ELK4: variants seen among roughly 807,000 people sequenced by gnomAD.
ELK4 encodes the protein ETS domain-containing protein Elk-4.
A neutral mutation model predicts 29.6 loss-of-function variants in ELK4; 16 were observed. The ratio of observed to expected loss-of-function variants is 0.54; its 90% CI spans 0.37 to 0.82. The LOEUF (loss-of-function observed/expected upper bound fraction) is 0.82, where lower values mean the gene tolerates loss of function less well. ELK4 is among the 40% of genes least tolerant of loss of function. The pLI is 0.00. For missense variants in ELK4, 465 were observed against 507.1 expected, an observed-to-expected ratio of 0.92 and a Z score of 0.80; for synonymous variants, 213 against 191.1, an observed-to-expected ratio of 1.11 and a Z score of -0.95.
At chr1:205,619,633 T>A (rs1418366216) in intron 3 of ELK4, 5 of 1,331,820 alleles carry the variant, frequency 3.8e-6, no homozygotes, top group Non-Finnish European at 4.8e-6. Context: ...TAACTTGAGA[T>A]TATCACTGTT....
At position 205,620,618 on chromosome 1, in the gene ELK4, T is replaced by G; in HGVS notation, c.428A>C (p.His143Pro). ...AKTSSRNDYIHSGLYSSFTLN... is the reference protein window; with the variant it reads ...AKTSSRNDYIPSGLYSSFTLN... ...AGTAAATGAAGAATATAAGCCAGAG[T>G]GTATGTAGTCATTGCGGCTAGAGGT... The change falls in exon 3 of 5, where the codon CAC (histidine) becomes CCC (proline). Residue 143 changes from histidine (H) to proline (P), a missense_variant. By Grantham distance (77) the His-to-Pro change is moderately conservative. This residue lies in a region of ELK4 where 385 missense variants were observed against 387.5 expected (regional missense o/e 0.99). Coordinates refer to ENST00000357992, the MANE Select transcript of ELK4 (RefSeq NM_001973.4). 1 of 1,613,772 alleles carries G rather than the reference T, an allele frequency of 6.2e-7. No individual in the cohort carries two copies.
rs1264233932 is a variant in ELK4, at chr1:205,610,825, C to T, written c.*5721G>A. ...GTCAATACATCAGTATATATGCATA[C>T]ACATACATTTACTAGGACAATAAAT... On this transcript the variant is annotated 3_prime_UTR_variant, in exon 5 of 5. Transcript: ENST00000357992. The T allele has an allele frequency of 8.6e-6, 2 of 231,290 alleles. No homozygotes were observed. Among genetic ancestry groups the T allele is most frequent in the Non-Finnish European group, 1.7e-5 (2 of 116,978 alleles). The allele number at this position is 231,290 out of a possible 1,614,324, so 14.3% of individuals were successfully genotyped here.
chr1:205,619,785 T>C (rs762192201), intron 3 of ELK4, 181 bp downstream of exon 3: 2 of 1,518,978 alleles, frequency 1.3e-6, no homozygotes, highest in Admixed American at 2.3e-5. Context: ...CTCCAAACTT[T>C]CTATTTTAGC....
chr1:205,619,736 T>C (rs1030700526), intron 3 of ELK4: 153 of 1,462,250 alleles, frequency 1.0e-4, no homozygotes, highest in Middle Eastern at 4.3e-4. Context: ...AATCAAAATA[T>C]TTATTTACTT....
At chr1:205,631,492 A>C (rs1670586527) in intron 1 of ELK4, 140 bp downstream of exon 1, 1 of 148,024 alleles carries the variant, frequency 6.8e-6, no homozygotes, top group Non-Finnish European at 1.5e-5. Context: ...GGGCGGACCC[A>C]AGGGGAGCGC....
intron 1 of ELK4, among the ~76,000 whole-genome samples, chr1:205,627,277 A>C (rs1467565851): frequency 6.6e-6 from 1 of 152,282 alleles, no homozygotes; most frequent in East Asian, 1.9e-4. Flanking sequence ...TGGGAGGCCG[A>C]GGTGGGCTGA....
rs574403609 is a variant in ELK4, at chr1:205,610,832, A to T, written c.*5714T>A. 4.3e-6 allele frequency: 1 copy of T among 231,542 alleles called. No individual in the cohort carries two copies. Among genetic ancestry groups the T allele is most frequent in the East Asian group, 6.1e-5 (1 of 16,338 alleles). 14.3% of individuals were successfully genotyped at this position (231,542 alleles called of 1,614,324 possible). On this transcript the variant is annotated 3_prime_UTR_variant, in exon 5 of 5. Coordinates refer to ENST00000357992, the MANE Select transcript of ELK4 (RefSeq NM_001973.4). Reference sequence around the variant, plus strand: ...CATCAGTATATATGCATACACATACATTTACTAGGACAATAAATCAGAATG... The same window carrying T: ...CATCAGTATATATGCATACACATACTTTTACTAGGACAATAAATCAGAATG...
chr1:205,631,168 T>C (rs896565549), intron 1 of ELK4, among the ~76,000 whole-genome samples: 2 of 151,814 alleles, frequency 1.3e-5, no homozygotes, highest in African/African-American at 4.8e-5. Context: ...GAAAAAGAAA[T>C]GAAACTCGAC....
Position 205,620,408 on chromosome 1 carries a change from C to G in ELK4, c.638G>C (p.Ser213Thr), listed in dbSNP as rs779209848. 3 of 1,614,076 alleles carry G rather than the reference C, an allele frequency of 1.9e-6. No individual in the cohort carries two copies. In the Admixed American group the frequency reaches 5.0e-5, roughly 27 times the overall value. ...AGTTTCTTCTGAAGATGGAGAAATACTTGGGCCAATTGAAATGGTGGCAGC... is the reference window on the plus strand; with the variant it reads ...AGTTTCTTCTGAAGATGGAGAAATAGTTGGGCCAATTGAAATGGTGGCAGC... ...PVAATISIGP[S>T]ISPSSEETIQ... The change falls in exon 3 of 5, where the codon AGT (serine) becomes ACT (threonine). Residue 213 changes from serine (S) to threonine (T), a missense_variant. Ser to Thr is a moderately conservative substitution (Grantham distance 58). Transcript: ENST00000357992.
In ELK4 at chr1:205,610,561, AGTTTACTATGACTTT is replaced by A. The variant is rs1313095710; in HGVS notation, c.*5970_*5984del. The A allele has an allele frequency of 8.7e-6, 2 of 230,166 alleles. No individual in the cohort carries two copies. Among genetic ancestry groups the A allele is most frequent in the African/African-American group, 4.4e-5 (2 of 45,314 alleles). 14.3% of individuals were successfully genotyped at this position (230,166 alleles called of 1,614,324 possible). ...CAATAATACATGAACCTAAGAGAAC[AGTTTACTATGACTTT>A]GTTTAGAGTATGTCACATGTAAGCA... On this transcript the variant is annotated 3_prime_UTR_variant, in exon 5 of 5. Transcript: ENST00000357992.
chr1:205,623,273 G>A (rs1307087257), intron 2 of ELK4, among the ~76,000 whole-genome samples: 1 of 151,258 alleles, frequency 6.6e-6, no homozygotes, highest in Admixed American at 6.6e-5. Flanking sequence ...AAATAAACTA[G>A]GAAATTGGTA....
intron 1 of ELK4, among the ~76,000 whole-genome samples, chr1:205,630,191 A>C (rs1246292819): frequency 6.6e-6 from 1 of 152,198 alleles, no homozygotes. Flanking sequence ...GTTATAACAA[A>C]GGAAGAAAAC....
Position 205,620,830 on chromosome 1 carries a change from G to A in ELK4, c.216C>T (p.Ile72=). 6.2e-7 allele frequency: 1 copy of A among 1,607,162 alleles called. No homozygotes were observed. The highest frequency in any genetic ancestry group is 1.1e-5 in the South Asian group (1 of 90,470). ...ALRYYYVKNI[I]KKVNGQKFVY... The stretch of plus-strand genomic sequence containing the variant: ...CAAACTTCTGACCATTCACTTTTTT[G>A]ATGATATTCTGTAGGTTAAAAAAAA... Residue 72 remains isoleucine, a synonymous_variant, in exon 3 of 5, where the codon ATC becomes ATT. Transcript: ENST00000357992.
chr1:205,621,193 TAAAAAAAA>T lies in ELK4; in HGVS notation c.208-363_208-356del, dbSNP rs61338827. ...CTGGTGACAGAGCAAGAGTCTGTCT[TAAAAAAAA>T]AAAAAAAAAAAAAAAAAAGAAAAAG... On this transcript the variant is annotated intron_variant, in intron 2 of 4. Transcript: ENST00000357992. 2.7e-3 allele frequency among the ~76,000 whole-genome samples: 211 copies of T among 77,448 alleles called. 4 individuals are homozygous for T. The highest frequency in any genetic ancestry group is 0.01 in the African/African-American group (205 of 20,472). 50.8% of individuals were successfully genotyped at this position (77,448 alleles called of 152,430 possible).
Position 205,620,170 on chromosome 1 carries a change from A to G in ELK4, c.876T>C (p.Leu292=), listed in dbSNP as rs1206335984. The G allele has an allele frequency of 3.1e-6, 5 of 1,614,224 alleles. No individual in the cohort carries two copies. The highest frequency in any genetic ancestry group is 4.2e-6 in the Non-Finnish European group (5 of 1,180,038). ...TAGGCTCCAGTGACAAATTCTCTGGAAGTTCCATTGGCTGAGAAGCCACTG... is the reference window on the plus strand; with the variant it reads ...TAGGCTCCAGTGACAAATTCTCTGGGAGTTCCATTGGCTGAGAAGCCACTG... ...IDSVASQPME[L]PENLSLEPKD... Residue 292 remains leucine (L), a synonymous_variant, in exon 3 of 5, where the codon CTT becomes CTC. Coordinates refer to ENST00000357992, the MANE Select transcript of ELK4 (RefSeq NM_001973.4).
At chr1:205,626,511 T>C (rs1032504633) in intron 1 of ELK4, among the ~76,000 whole-genome samples, 4 of 151,856 alleles carry the variant, frequency 2.6e-5, no homozygotes, top group Non-Finnish European at 5.9e-5. Context: ...TGGGGGGTAG[T>C]TGGAAGGGAC....
rs138478764 is a variant in ELK4 at position 205,624,676 on chromosome 1, A to G, written c.-9-785T>C. ...GCCAGAGTTTCTCAATTTTGGCATT[A>G]TTGGTTTTGGGGGCCAGATAATTCT... On this transcript the variant is annotated intron_variant, in intron 1 of 4. Coordinates refer to ENST00000357992, the MANE Select transcript of ELK4 (RefSeq NM_001973.4). Among the ~76,000 whole-genome samples the G allele has an allele frequency of 1.4e-4, 22 of 152,208 alleles. 1 individual carries two copies. Among genetic ancestry groups the G allele is most frequent in the African/African-American group, 4.6e-4 (19 of 41,520 alleles).
intron 1 of ELK4, among the ~76,000 whole-genome samples, chr1:205,627,997 T>C (rs1670500520): frequency 6.6e-6 from 1 of 152,224 alleles, no homozygotes; most frequent in South Asian, 2.1e-4. Flanking sequence ...ATGTACTCTG[T>C]CCATTAGGGA....
Position 205,616,347 on chromosome 1 carries a change from T to A in ELK4, c.*199A>T, listed in dbSNP as rs996112495. 4.3e-6 allele frequency: 2 copies of A among 463,530 alleles called. No individual in the cohort carries two copies. The highest frequency in any genetic ancestry group is 7.8e-6 in the Non-Finnish European group (2 of 257,016). The allele number at this position is 463,530 out of a possible 1,614,324, so 28.7% of individuals were successfully genotyped here. A position where few individuals can be genotyped will look rare whatever the true frequency, so the allele number is the denominator to read the frequency against. On this transcript the variant is annotated 3_prime_UTR_variant, in exon 5 of 5. Transcript: ENST00000357992. ...GAGGGAGGTGGAGTTTAGACTCCAA[T>A]TAAGGCATTTTTATACATATAGTCC... is the stretch of plus-strand genomic sequence containing the variant.
Sources: gnomAD v4.1 joint callset for allele counts (sites outside exome capture counted in the v4.1 genomes callset) on GRCh38, gnomAD v4.1.1 for gene constraint, gnomAD v4.1.1 regional missense constraint, MANE v1.5 for transcripts, NCBI Gene and HGNC (gene_info 2026-07-23, HGNC 2026-07-21) for gene names.